Variants in NRG1 observed in about 807,000 individuals in gnomAD.
NRG1 encodes the protein pro-neuregulin-1, membrane-bound isoform.
NRG1 carries 18 observed loss-of-function variants against 63.8 expected under a neutral mutation model. That is an observed-to-expected ratio of 0.28 (90% confidence interval 0.19 to 0.42). NRG1 has a LOEUF of 0.42. Ranked by LOEUF, NRG1 falls within the 10% of genes least tolerant of loss-of-function variation. NRG1 has a pLI of 1.00. For missense variants in NRG1, 762 were observed against 814.7 expected (o/e 0.94, Z 0.79); for synonymous variants, 302 against 301.3 (o/e 1.00, Z -0.02).
At chr8:32,238,113 C>T (rs1299393936) in intron 1 of NRG1, among the ~76,000 whole-genome samples, 1 of 151,976 alleles carries the variant, frequency 6.6e-6, no homozygotes, top group Non-Finnish European at 1.5e-5. Context: ...GGTGTGTAGT[C>T]GGTGAGGAAA....
intron 1 of NRG1, among the ~76,000 whole-genome samples, chr8:32,280,680 GTTTTTTTTTTGTTT>G (rs1307562111): frequency 1.1e-4 from 6 of 53,758 alleles, no homozygotes; most frequent in East Asian, 1.7e-3. Flanking sequence ...ACTGAATTAG[GTTTTTTTTTTGTTT>G]TTTTTTTTTT....
intron 1 of NRG1, among the ~76,000 whole-genome samples, chr8:32,333,142 A>C (rs1802850398): frequency 6.6e-6 from 1 of 152,170 alleles, no homozygotes; most frequent in African/African-American, 2.4e-5. Context: ...ACAGGTTAAA[A>C]ATCTATGTGT....
intron 1 of NRG1, among the ~76,000 whole-genome samples, chr8:31,875,407 A>T (rs914464879): frequency 6.6e-6 from 1 of 152,224 alleles, no homozygotes; most frequent in South Asian, 2.1e-4. Context: ...AGGCCACTTT[A>T]TAATGAATTT....
At chr8:32,324,106 T>A (rs1801729391) in intron 1 of NRG1, among the ~76,000 whole-genome samples, 1 of 145,826 alleles carries the variant, frequency 6.9e-6, no homozygotes, top group Non-Finnish European at 1.5e-5. Context: ...AAAAAAAAAA[T>A]TCCACCCCAA....
chr8:32,747,405 G>A (rs1827649876), intron 7 of NRG1, among the ~76,000 whole-genome samples: 1 of 151,982 alleles, frequency 6.6e-6, no homozygotes, highest in Non-Finnish European at 1.5e-5. Context: ...TGACTTCCTT[G>A]GAAAATGAAT....
At chr8:32,004,729 G>C (rs1563670653) in intron 1 of NRG1, among the ~76,000 whole-genome samples, 2 of 151,774 alleles carry the variant, frequency 1.3e-5, no homozygotes, top group Non-Finnish European at 2.9e-5. Flanking sequence ...AGAAACAAAA[G>C]AGAAAAAGCA....
intron 1 of NRG1, among the ~76,000 whole-genome samples, chr8:32,257,955 G>T (rs1849919845): frequency 6.6e-6 from 1 of 152,166 alleles, no homozygotes; most frequent in South Asian, 2.1e-4. Context: ...ACCATATTTT[G>T]TGCAGAATGT....
At chr8:32,268,640 T>C (rs1376603535) in intron 1 of NRG1, among the ~76,000 whole-genome samples, 2 of 151,880 alleles carry the variant, frequency 1.3e-5, no homozygotes, top group African/African-American at 2.4e-5. Context: ...ACACAGGGGG[T>C]TGTTTATACA....
chr8:32,552,955 C>G (rs1472104773), intron 1 of NRG1, among the ~76,000 whole-genome samples: 1 of 152,106 alleles, frequency 6.6e-6, no homozygotes, highest in Non-Finnish European at 1.5e-5. Context: ...TGAATTCTTA[C>G]CATGTTCCAG....
intron 1 of NRG1, among the ~76,000 whole-genome samples, chr8:32,070,050 A>G (rs1462902): frequency 0.25 from 38,797 of 152,204 alleles, 5,535 homozygotes; most frequent in East Asian, 0.65. Flanking sequence ...TTTATTTAAG[A>G]TGTCAATAAA....
chr8:31,691,488 G>T (rs373606348), intron 1 of NRG1, among the ~76,000 whole-genome samples: 2 of 150,800 alleles, frequency 1.3e-5, no homozygotes, highest in South Asian at 4.2e-4. Context: ...CCAGCTACTC[G>T]GGAGGCTGAG....
At chr8:32,205,178 C>T (rs914305364) in intron 1 of NRG1, among the ~76,000 whole-genome samples, 3 of 152,124 alleles carry the variant, frequency 2.0e-5, no homozygotes, top group East Asian at 1.9e-4. Context: ...AATGGTATCT[C>T]TGGTGCAATT....
At chr8:32,748,928 GTGA>G (rs1339499502) in intron 7 of NRG1, 3 of 242,730 alleles carry the variant, frequency 1.2e-5, no homozygotes, top group African/African-American at 7.1e-5. Flanking sequence ...AAACAGACAA[GTGA>G]TGAGGAAAGT....
At chr8:32,048,434 C>T (rs1362642448) in intron 1 of NRG1, among the ~76,000 whole-genome samples, 1 of 73,078 alleles carries the variant, frequency 1.4e-5, no homozygotes, top group African/African-American at 5.2e-5. Context: ...CATATGTACA[C>T]ATATATACAT....
At chr8:32,447,067 G>T (rs1376917243) in intron 1 of NRG1, among the ~76,000 whole-genome samples, 4 of 151,566 alleles carry the variant, frequency 2.6e-5, no homozygotes, top group African/African-American at 9.7e-5. Flanking sequence ...GGGCTGGAGT[G>T]CAGTGGCGCA....
chr8:32,548,138 C>A (rs1254838393), upstream of NRG1: 1 of 858,762 alleles, frequency 1.2e-6, no homozygotes, highest in African/African-American at 1.8e-5. Context: ...CCCGGGAGCG[C>A]CGAGCCCAGG....
At chr8:32,318,687 G>A (rs764827005) in intron 1 of NRG1, among the ~76,000 whole-genome samples, 1 of 152,098 alleles carries the variant, frequency 6.6e-6, no homozygotes, top group Non-Finnish European at 1.5e-5. Flanking sequence ...CCACACTTAT[G>A]TACCAAAACG....
rs867166221 is a variant in NRG1 at position 32,587,952 on chromosome 8, G to C, written c.101-7876G>C. Among the ~76,000 whole-genome samples the C allele has an allele frequency of 2.0e-5, 3 of 151,280 alleles. No individual in the cohort carries two copies. In the East Asian group the frequency reaches 5.8e-4, roughly 29 times the overall value. On this transcript the variant is annotated intron_variant, in intron 1 of 11. Transcript: ENST00000356819. The stretch of plus-strand genomic sequence containing the variant: ...TTTGTTTTGTTTTGTTTTTTGAGAC[G>C]GACTCTTGCCCTGTCACCCAGGCTG...
At chr8:31,652,990 CTCTCCTCTCCTCT>C (rs1805030726) in intron 1 of NRG1, among the ~76,000 whole-genome samples, 6 of 79,812 alleles carry the variant, frequency 7.5e-5, no homozygotes, top group Non-Finnish European at 1.1e-4. Context: ...CTCTCCTCTC[CTCTCCTCTCCTCT>C]CCTCCCCTCC....
Sources: allele counts gnomAD v4.1 joint callset (sites outside exome capture counted in the v4.1 genomes callset), GRCh38; gene constraint gnomAD v4.1.1; transcripts MANE v1.5; gene names NCBI Gene and HGNC (gene_info 2026-07-23, HGNC 2026-07-21).